The following KRCC1 variants were observed in gnomAD, a reference collection of about 807,000 sequenced individuals.
KRCC1 encodes lysine rich coiled-coil 1, also known as lysine-rich coiled-coil protein 1.
A neutral mutation model predicts 7.4 loss-of-function variants in KRCC1; 3 were observed. The ratio of observed to expected loss-of-function variants is 0.40; its 90% CI spans 0.18 to 1.04. KRCC1 has a LOEUF of 1.04. Among genes scored for constraint, KRCC1 ranks in the 50% least tolerant of loss-of-function variants. The pLI is 0.33. For synonymous variants in KRCC1, 102 were observed against 101.6 expected (o/e 1.00, Z -0.02); for missense variants, 277 against 300.9 (o/e 0.92, Z 0.59).
intron 1 of KRCC1, among the ~76,000 whole-genome samples, chr2:88,053,998 G>A (rs966823137): frequency 3.3e-5 from 5 of 152,208 alleles, no homozygotes; most frequent in Non-Finnish European, 7.3e-5. Flanking sequence ...TAGGTCTTCT[G>A]CAGTGGGATC....
chr2:88,040,586 A>G (rs1673189552), intron 1 of KRCC1, among the ~76,000 whole-genome samples: 1 of 152,244 alleles, frequency 6.6e-6, no homozygotes, highest in African/African-American at 2.4e-5. Context: ...GATTTAAAGA[A>G]ATTAAAATAT....
At chr2:88,035,571 T>G (rs1673075676) in intron 2 of KRCC1, among the ~76,000 whole-genome samples, 1 of 152,050 alleles carries the variant, frequency 6.6e-6, no homozygotes, top group Admixed American at 6.6e-5. Context: ...CACTCTTAAA[T>G]GAGACAAGGA....
intron 3 of KRCC1, among the ~76,000 whole-genome samples, chr2:88,031,734 C>G (rs1361802532): frequency 6.6e-6 from 1 of 151,558 alleles, no homozygotes; most frequent in Non-Finnish European, 1.5e-5. Flanking sequence ...TGTGTTTTAA[C>G]CTAAGTGTGA....
chr2:88,043,997 A>G (rs972178383), intron 1 of KRCC1, among the ~76,000 whole-genome samples: 1 of 152,126 alleles, frequency 6.6e-6, no homozygotes, highest in Non-Finnish European at 1.5e-5. Context: ...TTTTATCCTC[A>G]TAAGAACTCT....
intron 1 of KRCC1, among the ~76,000 whole-genome samples, chr2:88,053,556 A>G (rs1238220489): frequency 6.6e-6 from 1 of 152,222 alleles, no homozygotes; most frequent in Non-Finnish European, 1.5e-5. Context: ...AAAATAATCC[A>G]GGCTGACTGA....
At chr2:88,045,055 A>G (rs1673300525) in intron 1 of KRCC1, among the ~76,000 whole-genome samples, 1 of 150,892 alleles carries the variant, frequency 6.6e-6, no homozygotes, top group South Asian at 2.1e-4. Context: ...TGTAGAGATG[A>G]GGTTTTGCCA....
At chr2:88,030,551 T>C (rs945357850) in intron 3 of KRCC1, among the ~76,000 whole-genome samples, 1 of 152,070 alleles carries the variant, frequency 6.6e-6, no homozygotes, top group East Asian at 1.9e-4. Context: ...CATGAAAAGA[T>C]GTTTAAAAGC....
intron 1 of KRCC1, among the ~76,000 whole-genome samples, chr2:88,040,345 C>T (rs1482122820): frequency 1.3e-5 from 2 of 152,166 alleles, no homozygotes; most frequent in Non-Finnish European, 2.9e-5. Flanking sequence ...GCTATTCTTT[C>T]ATTTTTCAAT....
Position 88,034,238 on chromosome 2 carries a change from A to T in KRCC1, c.-127T>A, listed in dbSNP as rs1420383964. 6.6e-6 allele frequency: 1 copy of T among 152,590 alleles called. No individual in the cohort carries two copies. The highest frequency in any genetic ancestry group is 6.5e-5 in the Admixed American group (1 of 15,274). The allele number at this position is 152,590 out of a possible 1,614,324, so 9.5% of individuals were successfully genotyped here. A position where few individuals can be genotyped will look rare whatever the true frequency, so the allele number is the denominator to read the frequency against. ...CTACACAATAACTGGTGAGCTAAAAACCACAATTCAGAGATCAAAAATCAA... is the reference window on the plus strand; with the variant it reads ...CTACACAATAACTGGTGAGCTAAAATCCACAATTCAGAGATCAAAAATCAA... On this transcript the variant is annotated 5_prime_UTR_variant, in exon 3 of 4. Transcript: ENST00000347055.
intron 1 of KRCC1, among the ~76,000 whole-genome samples, chr2:88,054,602 C>T (rs1673571246): frequency 6.6e-6 from 1 of 152,098 alleles, no homozygotes; most frequent in Non-Finnish European, 1.5e-5. Context: ...TTACAATGAT[C>T]AGCACTTTGT....
chr2:88,038,956 G>A (rs1392176992), intron 1 of KRCC1, among the ~76,000 whole-genome samples: 1 of 152,114 alleles, frequency 6.6e-6, no homozygotes, highest in East Asian at 1.9e-4. Context: ...ATGGTCTGAG[G>A]AGCCATCCTT....
intron 1 of KRCC1, among the ~76,000 whole-genome samples, chr2:88,045,094 G>A (rs781604536): frequency 6.6e-6 from 1 of 151,698 alleles, no homozygotes; most frequent in South Asian, 2.1e-4. Flanking sequence ...CTAACTCCTG[G>A]GCTCAAGCAA....
chr2:88,053,904 T>C (rs917637958), intron 1 of KRCC1, among the ~76,000 whole-genome samples: 4 of 152,308 alleles, frequency 2.6e-5, no homozygotes, highest in East Asian at 1.9e-4. Flanking sequence ...TCCCATCATC[T>C]TTCACTCTGA....
intron 1 of KRCC1, among the ~76,000 whole-genome samples, chr2:88,054,451 G>A (rs1048445651): frequency 3.9e-5 from 6 of 152,122 alleles, no homozygotes; most frequent in African/African-American, 9.7e-5. Context: ...CAACTCAGGA[G>A]TGTCTTTCTC....
intron 1 of KRCC1, among the ~76,000 whole-genome samples, chr2:88,043,637 C>A (rs957126474): frequency 6.6e-6 from 1 of 152,352 alleles, no homozygotes; most frequent in African/African-American, 2.4e-5. Flanking sequence ...ATCGCCCTTA[C>A]AATGTATTAG....
rs1573075900 is a variant in KRCC1, at chr2:88,034,124, C to T, written c.-23+10G>A. 1 of 152,538 alleles carries T rather than the reference C, an allele frequency of 6.6e-6. No individual in the cohort carries two copies. The highest frequency in any genetic ancestry group is 1.5e-5 in the Non-Finnish European group (1 of 68,030). 9.4% of individuals were successfully genotyped at this position (152,538 alleles called of 1,614,324 possible). On this transcript the variant is annotated intron_variant, in intron 3 of 3. Coordinates refer to ENST00000347055, the MANE Select transcript of KRCC1 (RefSeq NM_016618.3). ...GAGATGAATAAAGAGGTGAATGGAA[C>T]CTTACTTACCCTTATCAGGCTGAGA...
At chr2:88,055,328 G>C (rs747680068) in intron 1 of KRCC1, among the ~76,000 whole-genome samples, 12 of 151,714 alleles carry the variant, frequency 7.9e-5, no homozygotes, top group African/African-American at 1.2e-4. Flanking sequence ...CTGACGCTCC[G>C]GGTCTAGATT....
chr2:88,054,300 G>A (rs1052287907), intron 1 of KRCC1, among the ~76,000 whole-genome samples: 1 of 152,166 alleles, frequency 6.6e-6, no homozygotes, highest in Non-Finnish European at 1.5e-5. Flanking sequence ...GAAAAGCCAG[G>A]CTGTCAAAAA....
At chr2:88,054,572 C>G (rs1437068433) in intron 1 of KRCC1, among the ~76,000 whole-genome samples, 3 of 152,138 alleles carry the variant, frequency 2.0e-5, no homozygotes, top group Admixed American at 2.0e-4. Context: ...ATAGGAGACA[C>G]AGCTGGCCTA....
Sources: allele counts gnomAD v4.1 joint callset (sites outside exome capture counted in the v4.1 genomes callset), GRCh38; gene constraint gnomAD v4.1.1; transcripts MANE v1.5; gene names NCBI Gene and HGNC (gene_info 2026-07-23, HGNC 2026-07-21).